The following KCNH8 variants were observed in gnomAD, a reference collection of about 807,000 sequenced individuals.
KCNH8 encodes potassium voltage-gated channel subfamily H member 8, also known as voltage-gated delayed rectifier potassium channel KCNH8.
Under a neutral mutation model 103.6 loss-of-function variants are expected in KCNH8, and 70 were observed. The observed-to-expected ratio is 0.68, with a 90% CI of 0.56 to 0.82. The LOEUF (loss-of-function observed/expected upper bound fraction) is 0.82, where lower values mean the gene tolerates loss of function less well. Among genes scored for constraint, KCNH8 ranks in the 40% least tolerant of loss-of-function variants. The pLI is 0.00. For missense variants in KCNH8, 1,217 were observed against 1,329.9 expected (o/e 0.92, Z 1.32); for synonymous variants, 498 against 489.4 (o/e 1.02, Z -0.23).
At chr3:19,308,694 CTCTCTCTCTCTCTCTCTCTCTCT>C (rs1559470029) in intron 3 of KCNH8, among the ~76,000 whole-genome samples, 16 of 72,770 alleles carry the variant, frequency 2.2e-4, no homozygotes, top group African/African-American at 1.0e-3. Flanking sequence ...CTCTCTCTCT[CTCTCTCTCTCTCTCTCTCTCTCT>C]CCCCCTCTCT....
intron 11 of KCNH8, among the ~76,000 whole-genome samples, chr3:19,482,032 A>G (rs2068096253): frequency 6.6e-6 from 1 of 152,140 alleles, no homozygotes; most frequent in Admixed American, 6.5e-5. Flanking sequence ...CGAGTGAGCA[A>G]TTCTTGTCCC....
chr3:19,415,628 G>A (rs544146630), intron 7 of KCNH8, among the ~76,000 whole-genome samples: 1 of 152,052 alleles, frequency 6.6e-6, no homozygotes, highest in Admixed American at 6.5e-5. Context: ...ATTCCTCCAG[G>A]TAAGATATGT....
At chr3:19,435,160 A>G (rs1015372514) in intron 7 of KCNH8, among the ~76,000 whole-genome samples, 1 of 152,172 alleles carries the variant, frequency 6.6e-6, no homozygotes, top group African/African-American at 2.4e-5. Context: ...CCATAAATAT[A>G]TACAATTTTT....
chr3:19,159,390 A>G (rs1006836552), intron 1 of KCNH8, among the ~76,000 whole-genome samples: 2 of 151,988 alleles, frequency 1.3e-5, no homozygotes, highest in Admixed American at 1.3e-4. Context: ...ATGTACATAT[A>G]TTGGAATTTA....
intron 1 of KCNH8, among the ~76,000 whole-genome samples, chr3:19,172,429 G>A (rs373158116): frequency 2.0e-5 from 3 of 152,204 alleles, no homozygotes; most frequent in African/African-American, 7.2e-5. Flanking sequence ...AAACTGATAA[G>A]TGTGAAAGAA....
intron 1 of KCNH8, among the ~76,000 whole-genome samples, chr3:19,226,582 CTT>C (rs1491340131): frequency 1.4e-5 from 2 of 146,592 alleles, no homozygotes; most frequent in African/African-American, 5.5e-5. Context: ...TTCTTTCAGT[CTT>C]TCTCTCTCTC....
At chr3:19,355,390 A>C (rs890951372) in intron 5 of KCNH8, among the ~76,000 whole-genome samples, 7 of 152,022 alleles carry the variant, frequency 4.6e-5, no homozygotes, top group East Asian at 1.9e-4. Flanking sequence ...TGGGTATATA[A>C]CCAAAGGATT....
intron 4 of KCNH8, among the ~76,000 whole-genome samples, chr3:19,345,847 A>G (rs2065722215): frequency 6.6e-6 from 1 of 152,084 alleles, no homozygotes; most frequent in African/African-American, 2.4e-5. Context: ...AATATGTTCT[A>G]AGTAGCTTAC....
intron 5 of KCNH8, among the ~76,000 whole-genome samples, chr3:19,373,309 G>A (rs1027535436): frequency 3.3e-5 from 5 of 152,266 alleles, no homozygotes; most frequent in African/African-American, 1.2e-4. Flanking sequence ...GGTCTATTCA[G>A]AGATTCAGCT....
At position 19,148,728 on chromosome 3, in the gene KCNH8, T is replaced by A; in HGVS notation, c.9T>A (p.Val3=). The A allele has an allele frequency of 6.2e-7, 1 of 1,614,126 alleles. No homozygotes were observed. Among genetic ancestry groups the A allele is most frequent in the South Asian group, 1.1e-5 (1 of 91,084 alleles). The change falls in exon 1 of 16, where the codon GTT becomes GTA. Residue 3 remains valine, a synonymous_variant. Coordinates refer to ENST00000328405, the MANE Select transcript of KCNH8 (RefSeq NM_144633.3). MP[V]MKGLLAPQNT... Reference sequence around the variant, plus strand: ...CACACCACGCTGGAAAAATGCCGGTTATGAAAGGATTACTGGCGCCGCAAA... The same window carrying A: ...CACACCACGCTGGAAAAATGCCGGTAATGAAAGGATTACTGGCGCCGCAAA...
chr3:19,534,190 T>A lies in KCNH8; in HGVS notation c.*91T>A, dbSNP rs372180777. On this transcript the variant is annotated 3_prime_UTR_variant, in exon 16 of 16. Transcript: ENST00000328405. Reference sequence around the variant, plus strand: ...TTTTGCCTCTGGTGGGCATGAAGACTGAGCAAAGCTGGGAATCCTGCAGAA... The same window carrying A: ...TTTTGCCTCTGGTGGGCATGAAGACAGAGCAAAGCTGGGAATCCTGCAGAA... 1.1e-6 allele frequency: 1 copy of A among 899,870 alleles called. No homozygotes were observed. 55.7% of individuals were successfully genotyped at this position (899,870 alleles called of 1,614,324 possible). A position where few individuals can be genotyped will look rare whatever the true frequency, so the allele number is the denominator to read the frequency against.
chr3:19,239,634 GAATCTATC>G (rs2064109888), intron 1 of KCNH8, among the ~76,000 whole-genome samples: 1 of 136,648 alleles, frequency 7.3e-6, no homozygotes, highest in African/African-American at 2.9e-5. Flanking sequence ...TAGAATGATG[GAATCTATC>G]TATCTATCTA....
chr3:19,420,796 A>G (rs1187381902), intron 7 of KCNH8, among the ~76,000 whole-genome samples: 1 of 152,222 alleles, frequency 6.6e-6, no homozygotes, highest in Non-Finnish European at 1.5e-5. Context: ...ATGATACATC[A>G]GGATTCAGAG....
At chr3:19,209,894 G>A (rs762110640) in intron 1 of KCNH8, among the ~76,000 whole-genome samples, 2 of 152,040 alleles carry the variant, frequency 1.3e-5, no homozygotes, top group Non-Finnish European at 2.9e-5. Context: ...GTAGTCCCTA[G>A]GTAAGCCCTC....
intron 15 of KCNH8, among the ~76,000 whole-genome samples, chr3:19,526,403 G>A (rs755569000): frequency 3.9e-5 from 6 of 151,908 alleles, no homozygotes; most frequent in South Asian, 4.1e-4. Flanking sequence ...AATATAAAAC[G>A]TATGTAAAAT....
intron 1 of KCNH8, among the ~76,000 whole-genome samples, chr3:19,186,232 G>T (rs1393339877): frequency 2.7e-5 from 4 of 150,810 alleles, no homozygotes; most frequent in Non-Finnish European, 5.9e-5. Context: ...ACAATTCACA[G>T]GAGTGTATTC....
In KCNH8 at chr3:19,390,426, C is replaced by T. The variant is rs2066419823; in HGVS notation, c.812-55C>T. The T allele has an allele frequency of 4.4e-6, 6 of 1,372,392 alleles. No individual in the cohort carries two copies. In the Admixed American group the frequency reaches 7.5e-5, roughly 17 times the overall value. 85.0% of individuals were successfully genotyped at this position (1,372,392 alleles called of 1,614,324 possible). A position where few individuals can be genotyped will look rare whatever the true frequency, so the allele number is the denominator to read the frequency against. On this transcript the variant is annotated intron_variant, in intron 5 of 15. Transcript: ENST00000328405. The stretch of plus-strand genomic sequence containing the variant: ...TTTCTTTCATTGTCCTTCCTACCTT[C>T]TTTATTCTTCTCTGTCTCTTCCTTT...
intron 1 of KCNH8, among the ~76,000 whole-genome samples, chr3:19,250,271 G>C (rs2064259511): frequency 6.6e-6 from 1 of 151,742 alleles, no homozygotes. Flanking sequence ...AAATAGAAAA[G>C]ACAAAATGAC....
chr3:19,185,606 C>T (rs1421920293), intron 1 of KCNH8, among the ~76,000 whole-genome samples: 1 of 151,844 alleles, frequency 6.6e-6, no homozygotes, highest in Admixed American at 6.6e-5. Context: ...TCATATCTCT[C>T]ACATGATATT....
Sources: allele counts gnomAD v4.1 joint callset (sites outside exome capture counted in the v4.1 genomes callset), GRCh38; gene constraint gnomAD v4.1.1; transcripts MANE v1.5; gene names NCBI Gene and HGNC (gene_info 2026-07-23, HGNC 2026-07-21).